Variants in EGFL6 observed in about 807,000 individuals in gnomAD.
EGFL6 encodes epidermal growth factor-like protein 6.
A neutral mutation model predicts 43.1 loss-of-function variants in EGFL6; 42 were observed. That is an observed-to-expected ratio of 0.98 (90% CI 0.76 to 1.26). EGFL6 has a LOEUF of 1.26. EGFL6 is among the 50% of genes most tolerant of loss of function. The pLI is 0.00. For synonymous variants in EGFL6, 164 were observed against 163.2 expected, an observed-to-expected ratio of 1.01 and a Z score of -0.04; for missense variants, 429 against 427.8, an observed-to-expected ratio of 1.00 and a Z score of -0.02.
Position 13,627,182 on chromosome X carries a change from A to G in EGFL6, c.1457A>G (p.Asn486Ser), listed in dbSNP as rs772536013. 2.5e-6 allele frequency: 3 copies of G among 1,212,394 alleles called. No homozygotes were observed. The highest frequency in any genetic ancestry group is 3.3e-6 in the Non-Finnish European group (3 of 895,674). The change falls in exon 11 of 12, where the codon AAC (asparagine) becomes AGC (serine). Residue 486 changes from asparagine to serine, a missense_variant. Physicochemically the swap from Asn to Ser is conservative, Grantham distance 46 (BLOSUM62 1). Coordinates refer to ENST00000361306, the MANE Select transcript of EGFL6 (RefSeq NM_015507.4). ...CTTCGAGTGTTTGTGAAAAACAGTA[A>G]CAATGCCCTGGCATGGGAGAAGACC... ...GKLRVFVKNS[N>S]NALAWEKTTS...
At chrX:13,622,102 G>A (rs911062936) in intron 9 of EGFL6, among the ~76,000 whole-genome samples, 2 of 112,428 alleles carry the variant, frequency 1.8e-5, no homozygotes, top group African/African-American at 6.5e-5. Flanking sequence ...AGCACTCATT[G>A]AAGAATACTG....
chrX:13,623,469 T>A lies in EGFL6; in HGVS notation c.1184-355T>A, dbSNP rs1356847987. 4.2e-5 allele frequency among the ~76,000 whole-genome samples: 4 copies of A among 94,526 alleles called. No individual in the cohort carries two copies. The Admixed American group carries it at 4.9e-4, about 12-fold the overall frequency. 82.1% of individuals were successfully genotyped at this position (94,526 alleles called of 115,157 possible). Reference sequence around the variant, plus strand: ...ATCTTGGCTCACTGCAACCTCCACCTCCTGGGTGATTCTCCTGCCTCAGCC... The same window carrying A: ...ATCTTGGCTCACTGCAACCTCCACCACCTGGGTGATTCTCCTGCCTCAGCC... On this transcript the variant is annotated intron_variant, in intron 9 of 11. Transcript: ENST00000361306.
intron 7 of EGFL6, among the ~76,000 whole-genome samples, chrX:13,614,736 C>A (rs999226107): frequency 9.5e-6 from 1 of 105,428 alleles, no homozygotes; most frequent in East Asian, 3.0e-4. Context: ...CCTCCTACTG[C>A]AACTCCCTCC....
intron 4 of EGFL6, among the ~76,000 whole-genome samples, chrX:13,600,933 C>T (rs779427033): frequency 1.8e-5 from 2 of 109,998 alleles, no homozygotes; most frequent in South Asian, 7.9e-4. Flanking sequence ...CTTCATCACT[C>T]CAAAAGGAAA....
chrX:13,598,712 C>G (rs1174680607), intron 3 of EGFL6, among the ~76,000 whole-genome samples: 1 of 107,219 alleles, frequency 9.3e-6, no homozygotes, highest in African/African-American at 3.4e-5. Context: ...TTTTTTAAAC[C>G]AATTTTGGAA....
chrX:13,616,187 G>A (rs1473676569), intron 7 of EGFL6, among the ~76,000 whole-genome samples: 2 of 112,101 alleles, frequency 1.8e-5, no homozygotes, highest in Non-Finnish European at 3.8e-5. Context: ...GAATTATCAT[G>A]AGTATATCCC....
At chrX:13,600,280 C>CTTTTTTTTTTTTTTTTTTTT (rs1231725425) in intron 4 of EGFL6, among the ~76,000 whole-genome samples, 186 bp downstream of exon 4, 1 of 44,278 alleles carries the variant, frequency 2.3e-5, no homozygotes. Flanking sequence ...TTTCTTTCTT[C>CTTTTTTTTTTTTTTTTTTTT]TTTTTTTTTT....
chrX:13,589,224 A>G (rs1434654607), intron 1 of EGFL6, among the ~76,000 whole-genome samples: 1 of 112,375 alleles, frequency 8.9e-6, no homozygotes, highest in Non-Finnish European at 1.9e-5. Context: ...AGTGACTGAA[A>G]TAGACAAAGA....
At chrX:13,613,023 T>C (rs754104566) in intron 7 of EGFL6, among the ~76,000 whole-genome samples, 1 of 108,631 alleles carries the variant, frequency 9.2e-6, no homozygotes, top group African/African-American at 3.4e-5. Context: ...TGTGCGCCTG[T>C]AGTCCCAGCT....
chrX:13,617,422 G>C (rs2045724811), intron 7 of EGFL6, among the ~76,000 whole-genome samples: 1 of 112,314 alleles, frequency 8.9e-6, no homozygotes, highest in Admixed American at 9.4e-5. Context: ...AGAAATATTA[G>C]ACGAACATGG....
chrX:13,595,745 A>G (rs1455619075), intron 3 of EGFL6, among the ~76,000 whole-genome samples: 4 of 105,489 alleles, frequency 3.8e-5, no homozygotes, highest in African/African-American at 1.1e-4. Flanking sequence ...TTTGAGACAG[A>G]GTCTCGCTCT....
intron 2 of EGFL6, among the ~76,000 whole-genome samples, chrX:13,590,600 G>C (rs1045839601): frequency 1.8e-5 from 2 of 111,988 alleles, no homozygotes; most frequent in Non-Finnish European, 3.8e-5. Flanking sequence ...CTTTTTGCTA[G>C]TCTGTTCCTG....
chrX:13,587,620 G>A (rs981865753), intron 1 of EGFL6, among the ~76,000 whole-genome samples: 1 of 112,030 alleles, frequency 8.9e-6, no homozygotes, highest in African/African-American at 3.2e-5. Flanking sequence ...CGCAGACTGG[G>A]TCAAGATTGT....
At chrX:13,618,910 A>G (rs979998776) in intron 8 of EGFL6, among the ~76,000 whole-genome samples, 7 of 111,784 alleles carry the variant, frequency 6.3e-5, no homozygotes, top group Non-Finnish European at 1.1e-4. Flanking sequence ...ACATATTTCC[A>G]AAACCTAGTA....
At chrX:13,590,034 T>C (rs2045555216) in intron 2 of EGFL6, among the ~76,000 whole-genome samples, 1 of 112,701 alleles carries the variant, frequency 8.9e-6, no homozygotes, top group African/African-American at 3.2e-5. Flanking sequence ...GCAATAAACT[T>C]TAATTATTAA....
At chrX:13,625,898 A>AAAAAAAG (rs2045777491) in intron 10 of EGFL6, among the ~76,000 whole-genome samples, 1 of 39,651 alleles carries the variant, frequency 2.5e-5, no homozygotes, top group African/African-American at 7.2e-5. Context: ...AAAAAAAAAA[A>AAAAAAAG]AAAAAGAAAA....
At chrX:13,612,548 A>G (rs112766085) in intron 7 of EGFL6, among the ~76,000 whole-genome samples, 16 of 110,997 alleles carry the variant, frequency 1.4e-4, no homozygotes, top group African/African-American at 5.2e-4. Flanking sequence ...CCCGTTCTCA[A>G]TGAGCTGTTG....
chrX:13,608,504 T>C lies in EGFL6; in HGVS notation c.778+58T>C, dbSNP rs1034415304. On this transcript the variant is annotated intron_variant, in intron 7 of 11. Coordinates refer to ENST00000361306, the MANE Select transcript of EGFL6 (RefSeq NM_015507.4). ...TTCCCAATGAAGCATTCTCCCCATA[T>C]CTCCTTCCTCCCTCTATTTCTCTCC... 3 of 1,154,988 alleles carry C rather than the reference T, an allele frequency of 2.6e-6. No individual in the cohort carries two copies. In the African/African-American group the frequency reaches 5.4e-5, roughly 21 times the overall value.
chrX:13,569,738 A>G lies in EGFL6; in HGVS notation c.-124A>G. 1.5e-6 allele frequency: 1 copy of G among 672,954 alleles called. No individual in the cohort carries two copies. 55.5% of individuals were successfully genotyped at this position (672,954 alleles called of 1,213,427 possible). On this transcript the variant is annotated 5_prime_UTR_variant, in exon 1 of 12. Coordinates refer to ENST00000361306, the MANE Select transcript of EGFL6 (RefSeq NM_015507.4). ...CAGACTGCAGGGACAGCACCCGGTA[A>G]CTGCGAGTGGAGCGGAGGACCCGAG...
Sources: allele counts gnomAD v4.1 joint callset (sites outside exome capture counted in the v4.1 genomes callset), GRCh38; gene constraint gnomAD v4.1.1; transcripts MANE v1.5; gene names NCBI Gene and HGNC (gene_info 2026-07-23, HGNC 2026-07-21).